Variants in DLGAP1 observed in about 807,000 individuals in gnomAD.
The protein encoded by DLGAP1 is disks large-associated protein 1.
In DLGAP1, 11 loss-of-function variants were observed where a neutral mutation model predicts 90.8. The ratio of observed to expected loss-of-function variants is 0.12; its 90% CI spans 0.08 to 0.20. The LOEUF is 0.20. Ranked by LOEUF, DLGAP1 falls within the 10% of genes least tolerant of loss-of-function variation. DLGAP1 has a pLI of 1.00. For missense variants in DLGAP1, 1,050 were observed against 1,333.8 expected (o/e 0.79, Z 3.31); for synonymous variants, 558 against 540.7 (o/e 1.03, Z -0.44).
chr18:3,993,667 G>C (rs2074011937), intron 3 of DLGAP1, among the ~76,000 whole-genome samples: 1 of 152,134 alleles, frequency 6.6e-6, no homozygotes, highest in African/African-American at 2.4e-5. Context: ...ACGTGGTCCA[G>C]ACTGGGGATG....
intron 3 of DLGAP1, among the ~76,000 whole-genome samples, chr18:4,001,058 C>T (rs1373674438): frequency 2.0e-5 from 3 of 151,798 alleles, no homozygotes; most frequent in Admixed American, 2.0e-4. Flanking sequence ...TCTCCTATTC[C>T]TATTTTCTAT....
chr18:3,740,527 T>C (rs903110071), intron 6 of DLGAP1, among the ~76,000 whole-genome samples: 2 of 152,186 alleles, frequency 1.3e-5, no homozygotes, highest in Non-Finnish European at 2.9e-5. Flanking sequence ...CCTGATTTTT[T>C]TCTTCAGGAC....
intron 7 of DLGAP1, among the ~76,000 whole-genome samples, chr18:3,717,574 G>C (rs567871247): frequency 6.6e-6 from 1 of 152,248 alleles, no homozygotes; most frequent in South Asian, 2.1e-4. Context: ...GTGGTTTGGG[G>C]TGACATGTGA....
chr18:3,532,945 T>G (rs2052105660), intron 10 of DLGAP1, among the ~76,000 whole-genome samples: 1 of 152,266 alleles, frequency 6.6e-6, no homozygotes, highest in African/African-American at 2.4e-5. Context: ...ACAATTTTTC[T>G]TTTTCAATTG....
intron 1 of DLGAP1, among the ~76,000 whole-genome samples, chr18:4,425,655 A>G (rs61282954): frequency 0.12 from 18,124 of 152,096 alleles, 3,049 homozygotes; most frequent in African/African-American, 0.37. Flanking sequence ...AATACCTGCT[A>G]TTGTCTAGAT....
chr18:4,004,051 G>T (rs1165190542), intron 3 of DLGAP1, among the ~76,000 whole-genome samples: 2 of 152,070 alleles, frequency 1.3e-5, no homozygotes, highest in Non-Finnish European at 2.9e-5. Flanking sequence ...GTAACTGAGG[G>T]TCATATAATT....
chr18:4,364,949 C>T (rs2081727671), intron 1 of DLGAP1, among the ~76,000 whole-genome samples: 1 of 152,074 alleles, frequency 6.6e-6, no homozygotes, highest in Non-Finnish European at 1.5e-5. Flanking sequence ...ATTCAATTTC[C>T]ATGTAATTGT....
chr18:3,518,898 G>A lies in DLGAP1; in HGVS notation c.2480-10237C>T, dbSNP rs551394746. Among the ~76,000 whole-genome samples the A allele has an allele frequency of 3.3e-4, 50 of 152,320 alleles. No individual in the cohort carries two copies. In the South Asian group the frequency reaches 9.3e-3, roughly 28 times the overall value. Reference sequence around the variant, plus strand: ...CACTCCAACCTCCCTCCCCAGTAGTGTGGACTAATTTGATGTCCTTTTTTG... The same window carrying A: ...CACTCCAACCTCCCTCCCCAGTAGTATGGACTAATTTGATGTCCTTTTTTG... On this transcript the variant is annotated intron_variant, in intron 10 of 12. Coordinates refer to ENST00000315677, the MANE Select transcript of DLGAP1 (RefSeq NM_004746.4).
chr18:4,030,991 C>T (rs1162962298), intron 2 of DLGAP1, among the ~76,000 whole-genome samples: 3 of 152,128 alleles, frequency 2.0e-5, no homozygotes, highest in African/African-American at 4.8e-5. Context: ...TCCAGCCCAT[C>T]GCCACTGGAC....
intron 1 of DLGAP1, among the ~76,000 whole-genome samples, chr18:4,250,544 C>T (rs1298183154): frequency 6.6e-6 from 1 of 152,150 alleles, no homozygotes; most frequent in Non-Finnish European, 1.5e-5. Flanking sequence ...ATTTCCAGCT[C>T]AGGAACATTT....
intron 2 of DLGAP1, among the ~76,000 whole-genome samples, chr18:4,025,752 A>C (rs922730277): frequency 3.9e-5 from 6 of 152,186 alleles, no homozygotes; most frequent in African/African-American, 7.2e-5. Context: ...AATTCAAGCC[A>C]TATATATACA....
At chr18:4,118,469 C>G (rs1445797810) in intron 2 of DLGAP1, among the ~76,000 whole-genome samples, 1 of 152,146 alleles carries the variant, frequency 6.6e-6, no homozygotes, top group African/African-American at 2.4e-5. Context: ...CCTCACTATT[C>G]TCTCCTAGCT....
At chr18:4,032,656 C>T (rs1220876518) in intron 2 of DLGAP1, among the ~76,000 whole-genome samples, 2 of 152,154 alleles carry the variant, frequency 1.3e-5, no homozygotes, top group South Asian at 4.1e-4. Context: ...ATGATCATGT[C>T]ACATCGTTTG....
At chr18:4,080,119 T>C (rs1191825577) in intron 2 of DLGAP1, among the ~76,000 whole-genome samples, 1 of 152,072 alleles carries the variant, frequency 6.6e-6, no homozygotes, top group Admixed American at 6.5e-5. Context: ...ACCAAGAATA[T>C]GAAGTGAGGG....
intron 1 of DLGAP1, among the ~76,000 whole-genome samples, chr18:4,198,212 C>T (rs1283352301): frequency 1.3e-5 from 2 of 152,026 alleles, no homozygotes; most frequent in African/African-American, 2.4e-5. Flanking sequence ...CAGAGTGAGA[C>T]TCTGTCTCAA....
At chr18:4,428,056 G>A (rs1304155928) in intron 1 of DLGAP1, among the ~76,000 whole-genome samples, 1 of 152,188 alleles carries the variant, frequency 6.6e-6, no homozygotes, top group Non-Finnish European at 1.5e-5. Flanking sequence ...CCACTTCTCT[G>A]AGTTTATTCA....
intron 1 of DLGAP1, among the ~76,000 whole-genome samples, chr18:4,261,388 C>T (rs764017475): frequency 2.6e-5 from 4 of 152,154 alleles, no homozygotes; most frequent in Non-Finnish European, 5.9e-5. Context: ...TATCTTCTAG[C>T]ATTATGGAGC....
intron 9 of DLGAP1, among the ~76,000 whole-genome samples, chr18:3,538,803 A>G (rs903280393): frequency 6.6e-6 from 1 of 152,236 alleles, no homozygotes; most frequent in Non-Finnish European, 1.5e-5. Context: ...TCTGTTCCAC[A>G]TATAAAACAG....
intron 1 of DLGAP1, among the ~76,000 whole-genome samples, chr18:4,394,781 C>A (rs1444287165): frequency 6.6e-6 from 1 of 152,032 alleles, no homozygotes; most frequent in African/African-American, 2.4e-5. Context: ...GGTTCTTATG[C>A]CAATAGTGAT....
Sources: allele counts gnomAD v4.1 joint callset (sites outside exome capture counted in the v4.1 genomes callset), GRCh38; gene constraint gnomAD v4.1.1; transcripts MANE v1.5; gene names NCBI Gene and HGNC (gene_info 2026-07-23, HGNC 2026-07-21).